The following C22orf42 variants were observed in gnomAD, a reference collection of about 807,000 sequenced individuals.
C22orf42 encodes uncharacterized protein C22orf42.
In C22orf42, 24 loss-of-function variants were observed where a neutral mutation model predicts 31.4. The observed-to-expected ratio is 0.77, with a 90% CI of 0.55 to 1.08. The LOEUF (loss-of-function observed/expected upper bound fraction) is 1.08, where lower values mean the gene tolerates loss of function less well. Among genes scored for constraint, C22orf42 ranks in the 50% least tolerant of loss-of-function variants. C22orf42 has a pLI of 0.00. For missense variants in C22orf42, 276 were observed against 327.3 expected (o/e 0.84, Z 1.21); for synonymous variants, 96 against 112.7 (o/e 0.85, Z 0.94).
upstream of C22orf42, chr22:32,160,392 T>TGTGAAACAG (rs1921529024): frequency 6.6e-6 from 1 of 152,186 alleles, no homozygotes; most frequent in Non-Finnish European, 1.5e-5. Flanking sequence ...ATACTGCATG[T>TGTGAAACAG]GTGAAACAGT....
intron 1 of C22orf42, among the ~76,000 whole-genome samples, chr22:32,156,144 A>T (rs867743626): frequency 6.6e-6 from 1 of 152,084 alleles, no homozygotes. Context: ...ACTAAAGGAA[A>T]TTTTTTTTAA....
Position 32,149,447 on chromosome 22 carries a change from GA to G in C22orf42, c.*92del. 1 of 1,348,052 alleles carries G rather than the reference GA, an allele frequency of 7.4e-7. No homozygotes were observed. Among genetic ancestry groups the G allele is most frequent in the Non-Finnish European group, 9.7e-7 (1 of 1,027,806 alleles). 83.5% of individuals were successfully genotyped at this position (1,348,052 alleles called of 1,614,324 possible). ...TCAGTAGGAAGAGAGAGAGGCTTGT[GA>G]TTTTTTTTTCACCCAGATGGAAATA... On this transcript the variant is annotated 3_prime_UTR_variant, in exon 9 of 9. Coordinates refer to ENST00000382097, the MANE Select transcript of C22orf42 (RefSeq NM_001010859.3).
intron 1 of C22orf42, among the ~76,000 whole-genome samples, chr22:32,158,510 G>C (rs1921399704): frequency 6.6e-6 from 1 of 152,098 alleles, no homozygotes; most frequent in African/African-American, 2.4e-5. Flanking sequence ...TTCTGTCAAT[G>C]TGACTTAAAA....
At chr22:32,153,533 A>G (rs1329838479) in intron 2 of C22orf42, among the ~76,000 whole-genome samples, 1 of 152,278 alleles carries the variant, frequency 6.6e-6, no homozygotes, top group Non-Finnish European at 1.5e-5. Context: ...TCATCTGAAT[A>G]GGCCTATATT....
chr22:32,155,114 T>C lies in C22orf42; in HGVS notation c.233-796A>G, dbSNP rs1190909971. Among the ~76,000 whole-genome samples the C allele has an allele frequency of 2.0e-5, 3 of 152,202 alleles. No individual in the cohort carries two copies. The East Asian group carries it at 5.8e-4, about 29-fold the overall frequency. On this transcript the variant is annotated intron_variant, in intron 1 of 8. Coordinates refer to ENST00000382097, the MANE Select transcript of C22orf42 (RefSeq NM_001010859.3). ...ATGAAGATCTGGGACAAGAATGTAGTTGGTTCCCTGGGGACAGAGATCCCA... is the reference window on the plus strand; with the variant it reads ...ATGAAGATCTGGGACAAGAATGTAGCTGGTTCCCTGGGGACAGAGATCCCA...
intron 1 of C22orf42, among the ~76,000 whole-genome samples, chr22:32,156,506 GAA>G: frequency 1.4e-5 from 2 of 138,080 alleles, no homozygotes; most frequent in Non-Finnish European, 3.1e-5. Flanking sequence ...GCTACCCACT[GAA>G]GTTAAGGAGA....
chr22:32,150,390 C>T lies in C22orf42; in HGVS notation c.583G>A (p.Glu195Lys). ...DLSESLSVSL[E>K]DFMTSGLSES... Reference sequence around the variant, plus strand: ...CTGAGACCTGATGTCATGAAGTCTTCAAGAGAGACAGATAGGCTTTCACTG... The same window carrying T: ...CTGAGACCTGATGTCATGAAGTCTTTAAGAGAGACAGATAGGCTTTCACTG... Residue 195 changes from glutamate (E) to lysine (K), a missense_variant, in exon 7 of 9, where the codon GAA (glutamate) becomes AAA (lysine). Glu to Lys is a moderately conservative substitution (Grantham distance 56). Transcript: ENST00000382097. 6.2e-7 allele frequency: 1 copy of T among 1,614,080 alleles called. No individual in the cohort carries two copies. Among genetic ancestry groups the T allele is most frequent in the Non-Finnish European group, 8.5e-7 (1 of 1,179,952 alleles).
Position 32,149,654 on chromosome 22 carries a change from T to C in C22orf42, c.683-41A>G, listed in dbSNP as rs56938357. The C allele has an allele frequency of 1.2e-3, 1,269 of 1,096,336 alleles. 55 individuals are homozygous for C. In the South Asian group the frequency reaches 0.03, roughly 26 times the overall value. The allele number at this position is 1,096,336 out of a possible 1,614,324, so 67.9% of individuals were successfully genotyped here. On this transcript the variant is annotated intron_variant, in intron 8 of 8. Coordinates refer to ENST00000382097, the MANE Select transcript of C22orf42 (RefSeq NM_001010859.3). ...AAGACTTCATCTCAAAAAAAAAATA[T>C]ATATATATATATATCTACATATATG...
chr22:32,150,748 C>T, intron 6 of C22orf42: 1 of 634,460 alleles, frequency 1.6e-6, no homozygotes, highest in Non-Finnish European at 2.8e-6. Context: ...AAGCACTGTA[C>T]TATAGAAACA....
rs770621495 is a variant in C22orf42, at chr22:32,159,119, G to A, written c.97C>T (p.Pro33Ser). 2.5e-5 allele frequency: 40 copies of A among 1,614,172 alleles called. No individual in the cohort carries two copies. The South Asian group carries it at 4.0e-4, about 16-fold the overall frequency. The part of the protein sequence containing the change: ...DVGPCHECEI[P>S]ETVAATAPAS... The stretch of plus-strand genomic sequence containing the variant: ...GGTGCTGTGGCTGCCACAGTCTCAG[G>A]AATCTCACACTCATGGCAGGGTCCC... The change falls in exon 1 of 9, where the codon CCT becomes TCT. Residue 33 changes from proline (P) to serine (S), a missense_variant. Transcript: ENST00000382097.
chr22:32,150,685 A>G, intron 6 of C22orf42: 1 of 632,412 alleles, frequency 1.6e-6, no homozygotes, highest in Non-Finnish European at 2.8e-6. Flanking sequence ...CTTTCTAGCT[A>G]GAGCAACTTC....
At chr22:32,152,346 A>G (rs1921008934) in intron 3 of C22orf42, among the ~76,000 whole-genome samples, 1 of 152,198 alleles carries the variant, frequency 6.6e-6, no homozygotes, top group Non-Finnish European at 1.5e-5. Flanking sequence ...ACTGAGAAAT[A>G]CACTCACTAC....
chr22:32,155,102 A>G (rs772681627), intron 1 of C22orf42, among the ~76,000 whole-genome samples: 58 of 152,298 alleles, frequency 3.8e-4, no homozygotes, highest in Non-Finnish European at 7.4e-4. Context: ...AAGATCTGGG[A>G]CAAGAATGTA....
intron 1 of C22orf42, 115 bp downstream of exon 1, chr22:32,158,869 G>T: frequency 1.7e-6 from 2 of 1,190,194 alleles, no homozygotes; most frequent in Non-Finnish European, 1.2e-6. Flanking sequence ...GCCGGCTATG[G>T]GCAGGAGGGA....
chr22:32,154,212 A>G, intron 2 of C22orf42, 32 bp downstream of exon 2: 1 of 1,607,864 alleles, frequency 6.2e-7, no homozygotes. Flanking sequence ...TTGTTTGCTT[A>G]AATGAACTTA....
intron 1 of C22orf42, among the ~76,000 whole-genome samples, chr22:32,155,550 C>T (rs1476178080): frequency 3.3e-5 from 5 of 151,310 alleles, no homozygotes; most frequent in East Asian, 3.9e-4. Context: ...TCCCCTGCTC[C>T]GACAATCCTA....
chr22:32,158,877 G>T, intron 1 of C22orf42, 107 bp downstream of exon 1: 2 of 1,264,840 alleles, frequency 1.6e-6, no homozygotes, highest in Non-Finnish European at 1.1e-6. Context: ...TGGGCAGGAG[G>T]GAGCTGGAAG....
At chr22:32,159,309 CT>C (rs923235810), upstream of C22orf42, 39 of 1,518,554 alleles carry the variant, frequency 2.6e-5, 1 homozygote, top group African/African-American at 3.7e-4. Context: ...CGACTGAAGG[CT>C]GCTGGCCCTG....
chr22:32,157,118 A>G (rs1706814044), intron 1 of C22orf42, among the ~76,000 whole-genome samples: 1 of 151,788 alleles, frequency 6.6e-6, no homozygotes, highest in African/African-American at 2.4e-5. Context: ...TGACTTCTCT[A>G]TTTATCACTT....
Sources: allele counts gnomAD v4.1 joint callset (sites outside exome capture counted in the v4.1 genomes callset), GRCh38; gene constraint gnomAD v4.1.1; transcripts MANE v1.5; gene names NCBI Gene and HGNC (gene_info 2026-07-23, HGNC 2026-07-21).